PTPN20: variants seen among roughly 807,000 people sequenced by gnomAD.
PTPN20 encodes the protein protein tyrosine phosphatase non-receptor type 20.
Under a neutral mutation model 35.0 loss-of-function variants are expected in PTPN20, and 9 were observed. That is an observed-to-expected ratio of 0.26 (90% confidence interval 0.15 to 0.45). PTPN20 has a LOEUF of 0.45. PTPN20 is among the 20% of genes least tolerant of loss of function. The pLI, the probability that PTPN20 is intolerant of heterozygous loss-of-function variation, is 1.00. For missense variants in PTPN20, 111 were observed against 312.5 expected (o/e 0.36, Z 4.86); for synonymous variants, 32 against 100.2 (o/e 0.32, Z 4.06).
At position 46,953,894 on chromosome 10, in the gene PTPN20, C is replaced by T. The variant is rs1435525649; in HGVS notation, c.340+7219C>T. Among the ~76,000 whole-genome samples the T allele has an allele frequency of 1.5e-4, 20 of 134,700 alleles. 1 individual carries two copies. The highest frequency in any genetic ancestry group is 1.3e-3 in the East Asian group (6 of 4,478). The allele number at this position is 134,700 out of a possible 152,430, so 88.4% of individuals were successfully genotyped here. On this transcript the variant is annotated intron_variant, in intron 5 of 10. Transcript: ENST00000374339. ...TTTCTTTTTTTGTGATATCTTTTTC[C>T]GGTTTTAGTATCAGAGCAATGCTTC...
Position 46,922,805 on chromosome 10 carries a change from T to C in PTPN20, c.-123-9572T>C, listed in dbSNP as rs1470068668. Among the ~76,000 whole-genome samples the C allele has an allele frequency of 8.1e-5, 11 of 135,408 alleles. 1 individual carries two copies. The highest frequency in any genetic ancestry group is 3.7e-4 in the African/African-American group (11 of 30,026). 88.8% of individuals were successfully genotyped at this position (135,408 alleles called of 152,430 possible). A position where few individuals can be genotyped will look rare whatever the true frequency, so the allele number is the denominator to read the frequency against. On this transcript the variant is annotated intron_variant, in intron 1 of 10. Transcript: ENST00000374339. ...TGTTTGAGACCTGTGACCCACTTTT[T>C]CCTTCCAGTTTCTCCCTTTTGGAAG...
chr10:46,945,246 A>G (rs2044367315), intron 4 of PTPN20, among the ~76,000 whole-genome samples: 1 of 151,856 alleles, frequency 6.6e-6, no homozygotes. Context: ...GTTAAAATCA[A>G]AAGGATGCAT....
intron 3 of PTPN20, among the ~76,000 whole-genome samples, chr10:46,941,265 T>A (rs1350482119): frequency 6.9e-6 from 1 of 145,932 alleles, no homozygotes; most frequent in African/African-American, 2.7e-5. Flanking sequence ...GGCCTTGTGT[T>A]CATTTCCTGT....
At chr10:46,945,293 A>G (rs1362014208) in intron 4 of PTPN20, among the ~76,000 whole-genome samples, 1 of 152,010 alleles carries the variant, frequency 6.6e-6, no homozygotes, top group Admixed American at 6.6e-5. Flanking sequence ...GCAACTATCT[A>G]TTTATCCATC....
intron 5 of PTPN20, among the ~76,000 whole-genome samples, chr10:46,950,974 T>C (rs1191513495): frequency 6.8e-6 from 1 of 147,680 alleles, no homozygotes; most frequent in African/African-American, 2.7e-5. Context: ...TACCATAATA[T>C]ATTCACCCAT....
chr10:46,997,761 A>G (rs1044359362), intron 9 of PTPN20, among the ~76,000 whole-genome samples: 1 of 152,198 alleles, frequency 6.6e-6, no homozygotes, highest in East Asian at 1.9e-4. Context: ...ACATGAACAG[A>G]CAGTTCACCA....
chr10:46,953,936 G>T, intron 5 of PTPN20, among the ~76,000 whole-genome samples: 1 of 129,354 alleles, frequency 7.7e-6, no homozygotes, highest in Non-Finnish European at 1.6e-5. Flanking sequence ...AAAATTATTT[G>T]GGAAGTGTTT....
downstream of PTPN20, among the ~76,000 whole-genome samples, chr10:47,003,044 A>T (rs921984974): frequency 6.6e-6 from 1 of 152,136 alleles, no homozygotes; most frequent in Non-Finnish European, 1.5e-5. Context: ...GGTTCATGTA[A>T]TTGAACAAGA....
At position 46,930,275 on chromosome 10, in the gene PTPN20, T is replaced by G. The variant is rs1409713132; in HGVS notation, c.-123-2102T>G. ...GATAAGTCATTGGGGTAAAGGACCATTCACATATTTATTTGTGGAATGCAA... is the reference window on the plus strand; with the variant it reads ...GATAAGTCATTGGGGTAAAGGACCAGTCACATATTTATTTGTGGAATGCAA... On this transcript the variant is annotated intron_variant, in intron 1 of 10. Transcript: ENST00000374339. Among the ~76,000 whole-genome samples, 4 of 116,710 alleles carry G rather than the reference T, an allele frequency of 3.4e-5. 1 individual carries two copies. The highest frequency in any genetic ancestry group is 5.1e-5 in the Non-Finnish European group (3 of 58,330). 76.6% of individuals were successfully genotyped at this position (116,710 alleles called of 152,430 possible).
intron 4 of PTPN20, among the ~76,000 whole-genome samples, chr10:46,945,738 C>T (rs1301570925): frequency 3.3e-5 from 5 of 150,900 alleles, no homozygotes; most frequent in Non-Finnish European, 7.4e-5. Flanking sequence ...ATTAGCGAGT[C>T]AGTTGAGTAT....
intron 5 of PTPN20, among the ~76,000 whole-genome samples, chr10:46,960,360 G>T (rs2049600694): frequency 1.1e-5 from 1 of 91,292 alleles, no homozygotes; most frequent in Non-Finnish European, 2.0e-5. Context: ...TTTTCTCTGT[G>T]TTCTAATTCA....
chr10:46,986,343 T>G (rs1227101331), intron 8 of PTPN20, among the ~76,000 whole-genome samples: 1 of 145,170 alleles, frequency 6.9e-6, no homozygotes, highest in Non-Finnish European at 1.5e-5. Context: ...CACATAAAAT[T>G]AACTATCACA....
At chr10:47,000,064 G>A (rs1020423766) in intron 10 of PTPN20, 90 bp downstream of exon 10, 8 of 1,552,038 alleles carry the variant, frequency 5.2e-6, no homozygotes, top group Non-Finnish European at 6.2e-6. Context: ...CTCTTTTATT[G>A]ACATAATCTC....
chr10:46,941,949 CAT>C (rs2043664404), intron 3 of PTPN20, among the ~76,000 whole-genome samples: 1 of 76,266 alleles, frequency 1.3e-5, no homozygotes, highest in Non-Finnish European at 2.3e-5. Flanking sequence ...TGTCTAGACT[CAT>C]AGACTTGAAG....
Position 46,940,737 on chromosome 10 carries a change from G to A in PTPN20, c.129+20G>A. On this transcript the variant is annotated intron_variant, in intron 3 of 10. Transcript: ENST00000374339. ...TCAAAGGTAAGACTAAAAGGAGAGG[G>A]ATCTCTACTAATTTTGGCTAATACC... 6.3e-7 allele frequency: 1 copy of A among 1,589,482 alleles called. No homozygotes were observed. The highest frequency in any genetic ancestry group is 1.1e-5 in the South Asian group (1 of 90,360).
intron 5 of PTPN20, among the ~76,000 whole-genome samples, chr10:46,948,860 C>T (rs1260340811): frequency 6.8e-6 from 1 of 147,044 alleles, no homozygotes; most frequent in Non-Finnish European, 1.5e-5. Context: ...AGTGATACTA[C>T]CCCTTCTCAT....
chr10:46,994,965 T>G (rs1323717974), intron 9 of PTPN20, among the ~76,000 whole-genome samples: 1 of 152,226 alleles, frequency 6.6e-6, no homozygotes, highest in African/African-American at 2.4e-5. Context: ...CTATTTGATT[T>G]TTAAATTATT....
At chr10:46,929,909 A>G (rs1166558931) in intron 1 of PTPN20, among the ~76,000 whole-genome samples, 6 of 145,088 alleles carry the variant, frequency 4.1e-5, no homozygotes, top group East Asian at 1.9e-4. Flanking sequence ...GTTGACTTGT[A>G]TGATCTTATT....
At chr10:46,915,811 C>T (rs1302703495) in intron 1 of PTPN20, among the ~76,000 whole-genome samples, 1 of 59,614 alleles carries the variant, frequency 1.7e-5, no homozygotes, top group Non-Finnish European at 2.9e-5. Flanking sequence ...TGCACTCCAG[C>T]GTGGCAACAG....
Sources: allele counts gnomAD v4.1 joint callset (sites outside exome capture counted in the v4.1 genomes callset), GRCh38; gene constraint gnomAD v4.1.1; transcripts MANE v1.5; gene names NCBI Gene and HGNC (gene_info 2026-07-23, HGNC 2026-07-21).